Variants in KCNIP4 observed in about 807,000 individuals in gnomAD.
The protein encoded by KCNIP4 is potassium voltage-gated channel interacting protein 4, also known as Kv channel-interacting protein 4.
A neutral mutation model predicts 34.0 loss-of-function variants in KCNIP4; 12 were observed. The ratio of observed to expected loss-of-function variants is 0.35; its 90% CI spans 0.23 to 0.57. The LOEUF is 0.57. Among genes scored for constraint, KCNIP4 ranks in the 20% least tolerant of loss-of-function variants. The pLI is 0.83. For missense variants in KCNIP4, 238 were observed against 311.7 expected (o/e 0.76, Z 1.78); for synonymous variants, 124 against 102.2 (o/e 1.21, Z -1.29).
In KCNIP4 at chr4:21,283,849, C is replaced by A. The variant is rs565247113; in HGVS notation, c.62-401140G>T. 5.5e-3 allele frequency among the ~76,000 whole-genome samples: 837 copies of A among 151,080 alleles called. 5 individuals are homozygous for A. The highest frequency in any genetic ancestry group is 4.5e-3 in the Non-Finnish European group (308 of 67,772). Reference sequence around the variant, plus strand: ...TCATGCTACTATAAAGACACACACACAAAAAAAATAAAAATAAAAACAAGT... The same window carrying A: ...TCATGCTACTATAAAGACACACACAAAAAAAAAATAAAAATAAAAACAAGT... On this transcript the variant is annotated intron_variant, in intron 1 of 8. Coordinates refer to ENST00000382152, the MANE Select transcript of KCNIP4 (RefSeq NM_025221.6).
intron 1 of KCNIP4, among the ~76,000 whole-genome samples, chr4:21,410,198 G>A (rs898192642): frequency 1.6e-5 from 2 of 127,450 alleles, no homozygotes; most frequent in African/African-American, 3.3e-5. Context: ...AAGAGATACT[G>A]GAGACTGTAA....
At chr4:21,604,336 T>C (rs916121904) in intron 1 of KCNIP4, among the ~76,000 whole-genome samples, 5 of 152,164 alleles carry the variant, frequency 3.3e-5, no homozygotes, top group East Asian at 1.9e-4. Context: ...TATCCATTTA[T>C]AGATAAAGAA....
intron 1 of KCNIP4, among the ~76,000 whole-genome samples, chr4:21,050,351 G>T (rs2108945571): frequency 6.6e-6 from 1 of 152,166 alleles, no homozygotes; most frequent in South Asian, 2.1e-4. Flanking sequence ...AAAATAATTG[G>T]AGAGTAAATT....
intron 1 of KCNIP4, among the ~76,000 whole-genome samples, chr4:21,343,799 C>T (rs1007760728): frequency 6.6e-6 from 1 of 152,060 alleles, no homozygotes; most frequent in Non-Finnish European, 1.5e-5. Context: ...AACTTATAGG[C>T]AGGAAGAAAC....
chr4:21,038,275 A>C (rs950023981), intron 1 of KCNIP4, among the ~76,000 whole-genome samples: 2 of 152,158 alleles, frequency 1.3e-5, no homozygotes, highest in African/African-American at 4.8e-5. Context: ...ATGCCCGGCC[A>C]AAAATGCTTT....
At chr4:20,806,809 G>A (rs1715152587) in intron 3 of KCNIP4, among the ~76,000 whole-genome samples, 2 of 152,106 alleles carry the variant, frequency 1.3e-5, no homozygotes, top group African/African-American at 4.8e-5. Context: ...AATTATGTTA[G>A]TAAGCAGCAG....
chr4:21,133,581 C>T lies in KCNIP4; in HGVS notation c.62-250872G>A, dbSNP rs976606711. ...CTATCATCTCCCTGAATTAATCAAC[C>T]GTCTTCATCTTCCATCATCCTAATC... is the stretch of plus-strand genomic sequence containing the variant. On this transcript the variant is annotated intron_variant, in intron 1 of 8. Coordinates refer to ENST00000382152, the MANE Select transcript of KCNIP4 (RefSeq NM_025221.6). 3.3e-5 allele frequency among the ~76,000 whole-genome samples: 5 copies of T among 152,252 alleles called. No individual in the cohort carries two copies. In the East Asian group the frequency reaches 5.8e-4, roughly 18 times the overall value.
intron 1 of KCNIP4, among the ~76,000 whole-genome samples, chr4:21,837,212 C>T (rs1165849366): frequency 9.4e-5 from 14 of 149,628 alleles, no homozygotes; most frequent in African/African-American, 3.4e-4. Context: ...GCCCCGCGAT[C>T]GGCCAAGCTG....
chr4:21,703,842 T>C (rs1450492252), intron 1 of KCNIP4, among the ~76,000 whole-genome samples: 4 of 152,118 alleles, frequency 2.6e-5, no homozygotes, highest in African/African-American at 9.7e-5. Context: ...TTCAAAAAAA[T>C]GTATATAGAT....
At chr4:21,260,841 G>A (rs1303804368) in intron 1 of KCNIP4, among the ~76,000 whole-genome samples, 1 of 152,022 alleles carries the variant, frequency 6.6e-6, no homozygotes, top group Admixed American at 6.6e-5. Context: ...ATTCCTAATG[G>A]TGATGTGACT....
At chr4:21,782,759 G>C (rs906723839) in intron 1 of KCNIP4, among the ~76,000 whole-genome samples, 3 of 152,004 alleles carry the variant, frequency 2.0e-5, no homozygotes, top group Non-Finnish European at 4.4e-5. Context: ...CAAAAGACTT[G>C]GAAACGGCCA....
chr4:21,224,759 G>C (rs1163268568), intron 1 of KCNIP4, among the ~76,000 whole-genome samples: 1 of 151,448 alleles, frequency 6.6e-6, no homozygotes, highest in South Asian at 2.1e-4. Flanking sequence ...GCTAATTTTT[G>C]TATTTTTAGT....
chr4:21,877,747 T>G (rs547632539), intron 1 of KCNIP4, among the ~76,000 whole-genome samples: 1 of 152,348 alleles, frequency 6.6e-6, no homozygotes, highest in South Asian at 2.1e-4. Context: ...CTATTCTTCC[T>G]GGACCACCAG....
chr4:21,382,251 G>T (rs930260894), intron 1 of KCNIP4, among the ~76,000 whole-genome samples: 1 of 152,132 alleles, frequency 6.6e-6, no homozygotes, highest in Non-Finnish European at 1.5e-5. Flanking sequence ...AGGTAAACAG[G>T]AACATTCAGG....
At chr4:21,476,073 G>T (rs13108860) in intron 1 of KCNIP4, among the ~76,000 whole-genome samples, 18,912 of 152,028 alleles carry the variant, frequency 0.12, 1,314 homozygotes, top group South Asian at 0.21. Flanking sequence ...TTGATTCAAA[G>T]GTGGCTCTCT....
intron 1 of KCNIP4, among the ~76,000 whole-genome samples, chr4:21,573,497 C>T (rs1186244275): frequency 3.3e-5 from 5 of 152,058 alleles, no homozygotes; most frequent in South Asian, 2.1e-4. Context: ...ATTCTGTTCT[C>T]GTTCCTTGGG....
chr4:21,528,772 A>AAAGAAAGGAAGAAAGG (rs1560490167), intron 1 of KCNIP4, among the ~76,000 whole-genome samples: 2 of 11,310 alleles, frequency 1.8e-4, no homozygotes, highest in Non-Finnish European at 3.4e-4. Context: ...AGAAAGAAAG[A>AAAGAAAGGAAGAAAGG]AAGAAAGGAA....
intron 1 of KCNIP4, among the ~76,000 whole-genome samples, chr4:21,859,849 G>A (rs1724971365): frequency 6.6e-6 from 1 of 151,952 alleles, no homozygotes; most frequent in African/African-American, 2.4e-5. Context: ...GCAACAGAGT[G>A]AGACTTATCT....
At chr4:20,786,299 G>A (rs1251037356) in intron 3 of KCNIP4, among the ~76,000 whole-genome samples, 1 of 152,064 alleles carries the variant, frequency 6.6e-6, no homozygotes, top group Non-Finnish European at 1.5e-5. Flanking sequence ...TCCAAAAGAA[G>A]GAGGGAGAAA....
Sources: allele counts gnomAD v4.1 joint callset (sites outside exome capture counted in the v4.1 genomes callset), GRCh38; gene constraint gnomAD v4.1.1; transcripts MANE v1.5; gene names NCBI Gene and HGNC (gene_info 2026-07-23, HGNC 2026-07-21).